The following MAST4 variants were observed in gnomAD, a reference collection of about 807,000 sequenced individuals.
MAST4 encodes the protein microtubule associated serine/threonine kinase family member 4, also known as microtubule-associated serine/threonine-protein kinase 4.
A neutral mutation model predicts 162.7 loss-of-function variants in MAST4; 89 were observed. That is an observed-to-expected ratio of 0.55 (90% confidence interval 0.46 to 0.65). The LOEUF (loss-of-function observed/expected upper bound fraction) is 0.65, where lower values mean the gene tolerates loss of function less well. Ranked by LOEUF, MAST4 falls within the 30% of genes least tolerant of loss-of-function variation. The pLI, the probability that MAST4 is intolerant of heterozygous loss-of-function variation, is 0.00. For synonymous variants in MAST4, 1,479 were observed against 1,361.1 expected (o/e 1.09, Z -1.91); for missense variants, 3,153 against 3,374.0 (o/e 0.93, Z 1.62).
At position 66,684,350 on chromosome 5, in the gene MAST4, T is replaced by A. The variant is rs1167438717; in HGVS notation, c.364-75359T>A. The stretch of plus-strand genomic sequence containing the variant: ...AGGGAAAATGTAGTGCTTCTTTTCT[T>A]CCAGCTATTTTTTTTTCTCTTTTCT... On this transcript the variant is annotated intron_variant, in intron 1 of 28. Coordinates refer to ENST00000403625, the MANE Select transcript of MAST4 (RefSeq NM_001164664.2). 1.7e-4 allele frequency among the ~76,000 whole-genome samples: 9 copies of A among 52,948 alleles called. No homozygotes were observed. In the African/African-American group the frequency reaches 2.0e-3, roughly 12 times the overall value. 34.7% of individuals were successfully genotyped at this position (52,948 alleles called of 152,430 possible). A position where few individuals can be genotyped will look rare whatever the true frequency, so the allele number is the denominator to read the frequency against.
chr5:67,100,284 A>T, intron 7 of MAST4, 151 bp from the exon 8 acceptor site: 3 of 693,932 alleles, frequency 4.3e-6, no homozygotes, highest in Non-Finnish European at 4.7e-6. Context: ...ACATCAAGTT[A>T]TACATTTAGG....
intron 1 of MAST4, among the ~76,000 whole-genome samples, chr5:66,743,645 G>A (rs1752591525): frequency 6.6e-6 from 1 of 152,276 alleles, no homozygotes; most frequent in Admixed American, 6.5e-5. Flanking sequence ...TGGGGACACA[G>A]GGCAGGGAGA....
chr5:66,915,031 G>A (rs2150026220), intron 4 of MAST4, among the ~76,000 whole-genome samples: 1 of 152,210 alleles, frequency 6.6e-6, no homozygotes, highest in South Asian at 2.1e-4. Context: ...GGGAGGCAGA[G>A]GTGGGTGGAT....
intron 4 of MAST4, among the ~76,000 whole-genome samples, chr5:67,007,738 T>A (rs1752203903): frequency 6.6e-6 from 1 of 152,172 alleles, no homozygotes; most frequent in Non-Finnish European, 1.5e-5. Context: ...TCATGGAAAC[T>A]TTTGGTTTGC....
chr5:66,713,711 T>C (rs975973540), intron 1 of MAST4, among the ~76,000 whole-genome samples: 2 of 152,216 alleles, frequency 1.3e-5, no homozygotes, highest in South Asian at 4.1e-4. Context: ...GTGATGCTTT[T>C]ATTAGTATAT....
At chr5:66,713,949 C>G (rs1750656333) in intron 1 of MAST4, among the ~76,000 whole-genome samples, 1 of 152,084 alleles carries the variant, frequency 6.6e-6, no homozygotes, top group South Asian at 2.1e-4. Context: ...TCATAAATAC[C>G]TTATATATAT....
intron 4 of MAST4, among the ~76,000 whole-genome samples, chr5:67,042,493 T>A (rs1228171757): frequency 4.0e-5 from 6 of 151,758 alleles, no homozygotes; most frequent in Admixed American, 3.9e-4. Flanking sequence ...TCTGTCAAGT[T>A]AATTAAGGGA....
At chr5:67,004,159 G>A (rs978788042) in intron 4 of MAST4, among the ~76,000 whole-genome samples, 9 of 152,118 alleles carry the variant, frequency 5.9e-5, no homozygotes, top group Non-Finnish European at 1.3e-4. Flanking sequence ...GAGGGGGAGC[G>A]GCGGCCCAGG....
chr5:66,598,983 A>G (rs1433264027), intron 1 of MAST4, among the ~76,000 whole-genome samples: 1 of 152,244 alleles, frequency 6.6e-6, no homozygotes, highest in Non-Finnish European at 1.5e-5. Flanking sequence ...ATTAAATAAC[A>G]TGGGTCACTA....
chr5:66,863,300 G>T (rs1229806812), intron 3 of MAST4, among the ~76,000 whole-genome samples: 1 of 152,142 alleles, frequency 6.6e-6, no homozygotes, highest in Non-Finnish European at 1.5e-5. Flanking sequence ...AGACACATAG[G>T]CACGTCCACA....
At chr5:66,960,500 C>T (rs1442521402) in intron 4 of MAST4, among the ~76,000 whole-genome samples, 1 of 151,776 alleles carries the variant, frequency 6.6e-6, no homozygotes, top group Non-Finnish European at 1.5e-5. Flanking sequence ...TAACATTCAA[C>T]TCTCACCATC....
At chr5:66,810,019 A>G (rs1756400155) in intron 3 of MAST4, among the ~76,000 whole-genome samples, 1 of 152,208 alleles carries the variant, frequency 6.6e-6, no homozygotes, top group African/African-American at 2.4e-5. Flanking sequence ...TAATAGTGGC[A>G]GAGTATGTCA....
intron 4 of MAST4, among the ~76,000 whole-genome samples, chr5:67,017,172 A>G (rs1753399371): frequency 2.0e-5 from 3 of 152,246 alleles, no homozygotes; most frequent in Admixed American, 6.5e-5. Flanking sequence ...TAAATAATCT[A>G]CAACACACAA....
At chr5:67,123,674 A>G (rs1767842856) in intron 14 of MAST4, among the ~76,000 whole-genome samples, 1 of 152,228 alleles carries the variant, frequency 6.6e-6, no homozygotes, top group Non-Finnish European at 1.5e-5. Context: ...CTTCCAGTGA[A>G]CACTTCCACC....
Position 67,165,701 on chromosome 5 carries a change from G to C in MAST4, c.6522G>C (p.Ser2174=). 6.3e-7 allele frequency: 1 copy of C among 1,577,330 alleles called. No individual in the cohort carries two copies. Among genetic ancestry groups the C allele is most frequent in the Non-Finnish European group, 8.6e-7 (1 of 1,162,740 alleles). The change falls in exon 29 of 29, where the codon TCG becomes TCC. Residue 2174 remains serine, a synonymous_variant. Transcript: ENST00000403625. ...GAKPSTAEPS[S]SPQDPPKPVA... The stretch of plus-strand genomic sequence containing the variant: ...AGCCCAGCACTGCAGAGCCCAGCTC[G>C]AGCCCCCAGGACCCTCCCAAGCCTG...
Position 67,142,500 on chromosome 5 carries a change from G to T in MAST4, c.2697G>T (p.Arg899Ser), listed in dbSNP as rs752199140. The change falls in exon 21 of 29, where the codon AGG becomes AGT. Residue 899 changes from arginine to serine, a missense_variant. By Grantham distance (110) the Arg-to-Ser change is moderately radical. Transcript: ENST00000403625. ...TNDEDFNVEI[R>S]QFSSCSHRFS... ...ATGAAGACTTTAATGTGGAAATAAG[G>T]CAGTTTTCTTCATGTTCACACAGGT... 1.3e-6 allele frequency: 2 copies of T among 1,592,300 alleles called. No individual in the cohort carries two copies. The highest frequency in any genetic ancestry group is 1.3e-5 in the African/African-American group (1 of 74,690).
chr5:67,048,172 G>A (rs1561574756), intron 4 of MAST4, among the ~76,000 whole-genome samples: 1 of 152,058 alleles, frequency 6.6e-6, no homozygotes, highest in East Asian at 1.9e-4. Context: ...TCAATCAAAT[G>A]CACAGAGTTC....
rs1185271971 is a variant in MAST4 at position 66,911,556 on chromosome 5, CAA to C, written c.674+11575_674+11576del. ...GTCTCTACAAACAAACAAACAACAA[CAA>C]CCCCCCCCCCCCCCCCCGCAAAAAA... On this transcript the variant is annotated intron_variant, in intron 4 of 28. Coordinates refer to ENST00000403625, the MANE Select transcript of MAST4 (RefSeq NM_001164664.2). Among the ~76,000 whole-genome samples the C allele has an allele frequency of 1.6e-3, 47 of 29,540 alleles. 3 individuals carry two copies. The highest frequency in any genetic ancestry group is 5.8e-3 in the African/African-American group (42 of 7,232). 19.4% of individuals were successfully genotyped at this position (29,540 alleles called of 152,430 possible).
intron 5 of MAST4, among the ~76,000 whole-genome samples, chr5:67,071,358 C>G (rs79270928): frequency 0.014 from 2,180 of 152,244 alleles, 32 homozygotes; most frequent in African/African-American, 0.037. Flanking sequence ...CCAGAGAACT[C>G]TATTTGGTAG....
Sources: gnomAD v4.1 joint callset for allele counts (sites outside exome capture counted in the v4.1 genomes callset) on GRCh38, gnomAD v4.1.1 for gene constraint, MANE v1.5 for transcripts, NCBI Gene and HGNC (gene_info 2026-07-23, HGNC 2026-07-21) for gene names.